The following PIK3C2G variants were observed in gnomAD, a reference collection of about 807,000 sequenced individuals.
PIK3C2G encodes phosphatidylinositol 3-kinase C2 domain-containing subunit gamma.
Under a neutral mutation model 181.1 loss-of-function variants are expected in PIK3C2G, and 168 were observed. The ratio of observed to expected loss-of-function variants is 0.93; its 90% CI spans 0.82 to 1.05. PIK3C2G has a LOEUF of 1.05. PIK3C2G is among the 50% of genes least tolerant of loss of function. PIK3C2G has a pLI of 0.00. For missense variants in PIK3C2G, 1,869 were observed against 1,732.8 expected (o/e 1.08, Z -1.40); for synonymous variants, 573 against 592.2 (o/e 0.97, Z 0.47).
chr12:18,318,591 TA>T (rs1482825422), intron 6 of PIK3C2G, among the ~76,000 whole-genome samples: 1 of 152,046 alleles, frequency 6.6e-6, no homozygotes, highest in Non-Finnish European at 1.5e-5. Context: ...GTCTTGATAG[TA>T]TTTTTTTCAC....
chr12:18,393,543 T>A (rs79950823), intron 15 of PIK3C2G, among the ~76,000 whole-genome samples: 2,354 of 152,048 alleles, frequency 0.015, 67 homozygotes, highest in African/African-American at 0.054. Context: ...AAAAAAAAAC[T>A]TCTTGATGTC....
the PIK3C2G span, among the ~76,000 whole-genome samples, chr12:18,677,924 T>G: frequency 6.6e-6 from 1 of 152,070 alleles, no homozygotes; most frequent in African/African-American, 2.4e-5. Flanking sequence ...TGTGTGCTTG[T>G]GTATGTGGTG....
intron 15 of PIK3C2G, among the ~76,000 whole-genome samples, chr12:18,391,614 T>C (rs1042292680): frequency 6.6e-6 from 1 of 152,134 alleles, no homozygotes; most frequent in Non-Finnish European, 1.5e-5. Context: ...AAAAGCAACA[T>C]TTAATTAAGG....
In PIK3C2G at chr12:18,321,032, G is replaced by C. The variant is rs1951086388; in HGVS notation, c.1208G>C (p.Arg403Thr). 6.9e-7 allele frequency: 1 copy of C among 1,449,062 alleles called. No homozygotes were observed. Among genetic ancestry groups the C allele is most frequent in the South Asian group, 1.2e-5 (1 of 84,928 alleles). 89.8% of individuals were successfully genotyped at this position (1,449,062 alleles called of 1,614,324 possible). A position where few individuals can be genotyped will look rare whatever the true frequency, so the allele number is the denominator to read the frequency against. Residue 403 changes from arginine (R) to threonine (T), a missense_variant and splice_region_variant, in exon 7 of 33, where the codon AGA becomes ACA. Transcript: ENST00000538779. ...TTTATGCATATTTGGAAAGTATCCAGGTAAGATATTTTATATTTGTTCCAA... is the reference window on the plus strand; with the variant it reads ...TTTATGCATATTTGGAAAGTATCCACGTAAGATATTTTATATTTGTTCCAA... The part of the protein sequence containing the change: ...LEFMHIWKVS[R>T]QCLLTLIRKY...
chr12:18,703,357 T>G, the PIK3C2G span, among the ~76,000 whole-genome samples: 21 of 152,312 alleles, frequency 1.4e-4, no homozygotes, highest in Non-Finnish European at 2.4e-4. Context: ...TTCACTGATT[T>G]AAATAAAATG....
At chr12:18,453,050 A>T (rs543336707) in intron 18 of PIK3C2G, among the ~76,000 whole-genome samples, 14 of 152,154 alleles carry the variant, frequency 9.2e-5, no homozygotes, top group African/African-American at 3.4e-4. Flanking sequence ...TGTTCATTTG[A>T]GTTGGAGAGT....
At chr12:18,254,570 C>T (rs7971384) in intron 1 of PIK3C2G, among the ~76,000 whole-genome samples, 9,052 of 151,890 alleles carry the variant, frequency 0.06, 406 homozygotes, top group Non-Finnish European at 0.093. Flanking sequence ...TTGGGCTGGG[C>T]GTGGTAGCTC....
intron 28 of PIK3C2G, among the ~76,000 whole-genome samples, chr12:18,564,890 C>T (rs1945541467): frequency 6.6e-6 from 1 of 152,162 alleles, no homozygotes. Context: ...CTCTGTTCTA[C>T]ACTGTACCTC....
At chr12:18,259,749 C>T (rs947840855), upstream of PIK3C2G, among the ~76,000 whole-genome samples, 6 of 151,720 alleles carry the variant, frequency 4.0e-5, no homozygotes, top group South Asian at 2.1e-4. Context: ...TAAACTTGCA[C>T]GTAAACATTG....
intron 31 of PIK3C2G, among the ~76,000 whole-genome samples, chr12:18,621,118 G>T (rs1449179405): frequency 6.6e-6 from 1 of 151,198 alleles, no homozygotes; most frequent in Non-Finnish European, 1.5e-5. Context: ...ATCTTCTCTT[G>T]TTTGTACAAT....
intron 16 of PIK3C2G, among the ~76,000 whole-genome samples, chr12:18,404,607 T>C (rs1337556510): frequency 6.6e-6 from 1 of 152,104 alleles, no homozygotes; most frequent in Non-Finnish European, 1.5e-5. Context: ...AGCGGGGAAA[T>C]GACATTCCAA....
At chr12:18,318,712 T>C (rs1489670387) in intron 6 of PIK3C2G, among the ~76,000 whole-genome samples, 1 of 151,746 alleles carries the variant, frequency 6.6e-6, no homozygotes, top group East Asian at 1.9e-4. Context: ...TCATCTTAGA[T>C]AATATTTTTA....
At chr12:18,542,444 A>T (rs775941991) in intron 25 of PIK3C2G, among the ~76,000 whole-genome samples, 22 of 151,828 alleles carry the variant, frequency 1.4e-4, no homozygotes, top group Non-Finnish European at 2.7e-4. Flanking sequence ...GTACATGTGA[A>T]GGTTGGTTAC....
At chr12:18,713,584 A>T in the PIK3C2G span, among the ~76,000 whole-genome samples, 5 of 152,152 alleles carry the variant, frequency 3.3e-5, no homozygotes, top group Non-Finnish European at 5.9e-5. Context: ...AATAATCCTT[A>T]TCTCTCTAAC....
At position 18,533,369 on chromosome 12, in the gene PIK3C2G, T is replaced by C. The variant is rs537989625; in HGVS notation, c.3324-4787T>C. ...CAAGGGAAAAAGTTAAAGTTCTTCT[T>C]GGCACCTCTTCTCCCTCTCATTCTA... On this transcript the variant is annotated intron_variant, in intron 24 of 32. Transcript: ENST00000538779. Among the ~76,000 whole-genome samples, 16 of 152,268 alleles carry C rather than the reference T, an allele frequency of 1.1e-4. No individual in the cohort carries two copies. The South Asian group carries it at 3.3e-3, about 32-fold the overall frequency.
chr12:18,338,667 G>GTGTT (rs1565613521), intron 9 of PIK3C2G, 119 bp downstream of exon 9: 4 of 101,794 alleles, frequency 3.9e-5, no homozygotes, highest in Non-Finnish European at 6.9e-5. Context: ...GTGTATCTGT[G>GTGTT]TGTGTGTGTG....
chr12:18,620,518 TTAGA>T lies in PIK3C2G; in HGVS notation c.4182+10890_4182+10893del, dbSNP rs532531731. On this transcript the variant is annotated intron_variant, in intron 31 of 32. Transcript: ENST00000538779. ...GTGCATATGACAGATAGATAAATGATTAGACAGACAGATAGATAGATAGATAGAT... is the reference window on the plus strand; with the variant it reads ...GTGCATATGACAGATAGATAAATGATCAGACAGATAGATAGATAGATAGAT... Among the ~76,000 whole-genome samples the T allele has an allele frequency of 4.1e-3, 558 of 137,186 alleles. 1 individual carries two copies. Among genetic ancestry groups the T allele is most frequent in the African/African-American group, 7.3e-3 (266 of 36,396 alleles). 90.0% of individuals were successfully genotyped at this position (137,186 alleles called of 152,430 possible).
intron 15 of PIK3C2G, among the ~76,000 whole-genome samples, chr12:18,399,194 C>CAAA (rs536592064): frequency 2.5e-5 from 2 of 80,460 alleles, no homozygotes; most frequent in Non-Finnish European, 2.7e-5. Context: ...GACTCCGTCT[C>CAAA]AAAAAAAAAA....
intron 1 of PIK3C2G, among the ~76,000 whole-genome samples, chr12:18,264,399 AT>A (rs1948387062): frequency 2.0e-5 from 3 of 151,990 alleles, no homozygotes; most frequent in Non-Finnish European, 4.4e-5. Context: ...CCCTGGGATA[AT>A]TTTCCTTCTA....
Sources: gnomAD v4.1 joint callset for allele counts (sites outside exome capture counted in the v4.1 genomes callset) on GRCh38, gnomAD v4.1.1 for gene constraint, MANE v1.5 for transcripts, NCBI Gene and HGNC (gene_info 2026-07-23, HGNC 2026-07-21) for gene names.